CCDC73: variants seen among roughly 807,000 people sequenced by gnomAD.
CCDC73 encodes the protein coiled-coil domain containing 73.
CCDC73 carries 95 observed loss-of-function variants against 116.5 expected under a neutral mutation model. The observed-to-expected ratio is 0.82, with a 90% CI of 0.69 to 0.97. CCDC73 has a LOEUF of 0.97. Among genes scored for constraint, CCDC73 ranks in the 50% least tolerant of loss-of-function variants. The pLI, the probability that CCDC73 is intolerant of heterozygous loss-of-function variation, is 0.00. For missense variants in CCDC73, 1,066 were observed against 1,206.8 expected, an observed-to-expected ratio of 0.88 and a Z score of 1.73; for synonymous variants, 398 against 401.3, an observed-to-expected ratio of 0.99 and a Z score of 0.10.
intron 6 of CCDC73, among the ~76,000 whole-genome samples, chr11:32,685,718 CTTTTTTTTTTTT>C (rs149696866): frequency 1.1e-5 from 1 of 90,692 alleles, no homozygotes; most frequent in Middle Eastern, 6.5e-3. Context: ...CCTGACTTAG[CTTTTTTTTTTTT>C]TTTTTTTTTT....
the CCDC73 span, among the ~76,000 whole-genome samples, chr11:32,826,598 G>GA: frequency 0.12 from 15,120 of 124,506 alleles, 828 homozygotes; most frequent in Non-Finnish European, 0.14. Context: ...TATTCCCTCT[G>GA]AACTAAATAA....
chr11:32,690,095 T>C (rs1481188044), intron 6 of CCDC73, among the ~76,000 whole-genome samples: 1 of 152,078 alleles, frequency 6.6e-6, no homozygotes, highest in Non-Finnish European at 1.5e-5. Flanking sequence ...TCAAAATATA[T>C]CTTCTTAGGA....
intron 2 of CCDC73, among the ~76,000 whole-genome samples, chr11:32,725,749 A>G (rs1850025134): frequency 6.6e-6 from 1 of 152,128 alleles, no homozygotes; most frequent in African/African-American, 2.4e-5. Flanking sequence ...GATCCTGCAA[A>G]AAGACTGATG....
Position 32,653,189 on chromosome 11 carries a change from A to C in CCDC73, c.873T>G (p.Leu291=). ...IISFQHMQQL[L]RQQIQANTEM... ...CAGTATTAGCTTGAATTTGTTGCCGAAGTAACTGCTGCATATGTTGGAAAG... is the reference window on the plus strand; with the variant it reads ...CAGTATTAGCTTGAATTTGTTGCCGCAGTAACTGCTGCATATGTTGGAAAG... The change falls in exon 12 of 18, where the codon CTT becomes CTG. Residue 291 remains leucine, a synonymous_variant. Transcript: ENST00000335185. 2 of 1,612,146 alleles carry C rather than the reference A, an allele frequency of 1.2e-6. No individual in the cohort carries two copies. Among genetic ancestry groups the C allele is most frequent in the Non-Finnish European group, 1.7e-6 (2 of 1,179,022 alleles).
chr11:32,791,561 G>C (rs1850676998), intron 1 of CCDC73, among the ~76,000 whole-genome samples: 1 of 152,092 alleles, frequency 6.6e-6, no homozygotes, highest in Non-Finnish European at 1.5e-5. Flanking sequence ...GTATTCCAAA[G>C]AACATACTTT....
Position 32,760,163 on chromosome 11 carries a change from T to C in CCDC73, c.81A>G (p.Leu27=), listed in dbSNP as rs748333645. The change falls in exon 2 of 18, where the codon CTA becomes CTG. Residue 27 remains leucine (L), a synonymous_variant. Coordinates refer to ENST00000335185, the MANE Select transcript of CCDC73 (RefSeq NM_001008391.4). The part of the protein sequence containing the change: ...SSSETLFSIQ[L]LDFKTSLLEA... ...CCAGTAAACTTGTTTTGAAATCTAATAGCTGAATAGAAAACAATGTCTCTG... is the reference window on the plus strand; with the variant it reads ...CCAGTAAACTTGTTTTGAAATCTAACAGCTGAATAGAAAACAATGTCTCTG... 16 of 1,604,180 alleles carry C rather than the reference T, an allele frequency of 1.0e-5. No homozygotes were observed. Among genetic ancestry groups the C allele is most frequent in the East Asian group, 2.2e-5 (1 of 44,708 alleles).
chr11:32,735,100 C>A (rs1372904688), intron 2 of CCDC73, among the ~76,000 whole-genome samples: 5 of 152,240 alleles, frequency 3.3e-5, no homozygotes, highest in African/African-American at 7.2e-5. Flanking sequence ...TTCCCTTTGA[C>A]AACTGGCACA....
intron 2 of CCDC73, among the ~76,000 whole-genome samples, chr11:32,739,898 C>A (rs532041797): frequency 6.6e-6 from 1 of 151,476 alleles, no homozygotes; most frequent in Non-Finnish European, 1.5e-5. Flanking sequence ...TATGAAGGGA[C>A]GTTGAATTTT....
chr11:32,641,715 G>GTGTATA (rs145985523), intron 13 of CCDC73, among the ~76,000 whole-genome samples: 55 of 148,858 alleles, frequency 3.7e-4, no homozygotes, highest in Admixed American at 1.9e-3. Context: ...ATATGTGTGT[G>GTGTATA]TATATATATA....
chr11:32,703,777 CT>C (rs1849832419), intron 3 of CCDC73, among the ~76,000 whole-genome samples: 7 of 152,058 alleles, frequency 4.6e-5, no homozygotes, highest in Admixed American at 4.6e-4. Context: ...TTTTTTTCTC[CT>C]TCTCCCACCT....
chr11:32,776,129 A>G (rs1332770923), intron 1 of CCDC73, among the ~76,000 whole-genome samples: 2 of 151,992 alleles, frequency 1.3e-5, no homozygotes, highest in African/African-American at 4.8e-5. Flanking sequence ...TCTAATCTCT[A>G]AATGGACCGG....
Position 32,602,916 on chromosome 11 carries a change from C to A in CCDC73, c.3135G>T (p.Thr1045=). The A allele has an allele frequency of 6.2e-7, 1 of 1,612,454 alleles. No individual in the cohort carries two copies. The highest frequency in any genetic ancestry group is 8.5e-7 in the Non-Finnish European group (1 of 1,179,110). The change falls in exon 18 of 18, where the codon ACG becomes ACT. Residue 1045 remains threonine (T), a synonymous_variant. Transcript: ENST00000335185. Reference sequence around the variant, plus strand: ...AATTTTCACTTTTATTTAGTTGATTCGTAATGAGGCTCTGCCAGTCATCAT... The same window carrying A: ...AATTTTCACTTTTATTTAGTTGATTAGTAATGAGGCTCTGCCAGTCATCAT... ...SGDDDWQSLI[T]NQLNKSENLL... is the part of the protein sequence containing the mutation.
intron 3 of CCDC73, among the ~76,000 whole-genome samples, chr11:32,715,524 C>A (rs1477629806): frequency 1.3e-5 from 2 of 151,062 alleles, no homozygotes; most frequent in Non-Finnish European, 2.9e-5. Context: ...ACACACACCA[C>A]CAGAAACCAC....
chr11:32,646,151 C>T (rs1855777145), intron 12 of CCDC73, among the ~76,000 whole-genome samples: 1 of 152,172 alleles, frequency 6.6e-6, no homozygotes, highest in Non-Finnish European at 1.5e-5. Context: ...TGTCTGCACC[C>T]AATAACTCTA....
At chr11:32,636,235 TA>T (rs1171348001) in intron 13 of CCDC73, among the ~76,000 whole-genome samples, 3 of 152,088 alleles carry the variant, frequency 2.0e-5, no homozygotes, top group African/African-American at 7.2e-5. Context: ...AACAAAAAAT[TA>T]AATTCATAAA....
the CCDC73 span, among the ~76,000 whole-genome samples, chr11:32,802,896 G>A: frequency 6.6e-6 from 1 of 150,454 alleles, no homozygotes; most frequent in African/African-American, 2.4e-5. Flanking sequence ...GAGACCACAG[G>A]TGTGCACCAC....
chr11:32,823,025 T>C, the CCDC73 span, among the ~76,000 whole-genome samples: 4 of 152,176 alleles, frequency 2.6e-5, no homozygotes, highest in African/African-American at 9.6e-5. Flanking sequence ...CCCAGCACTT[T>C]GGGAGGCTGA....
Position 32,603,031 on chromosome 11 carries a change from T to TA in CCDC73, c.3031-12dup. On this transcript the variant is annotated splice_polypyrimidine_tract_variant and intron_variant, in intron 17 of 17. Coordinates refer to ENST00000335185, the MANE Select transcript of CCDC73 (RefSeq NM_001008391.4). ...AGGCTTTGTTTTCACCTGGGAAAGA[T>TA]AAACTAATTTTACCTTCGAAATTAT... The TA allele has an allele frequency of 6.3e-7, 1 of 1,576,416 alleles. No homozygotes were observed. The highest frequency in any genetic ancestry group is 8.6e-7 in the Non-Finnish European group (1 of 1,164,866).
intron 14 of CCDC73, among the ~76,000 whole-genome samples, 169 bp downstream of exon 14, chr11:32,635,527 T>C (rs953321415): frequency 1.3e-5 from 2 of 152,142 alleles, no homozygotes; most frequent in African/African-American, 4.8e-5. Flanking sequence ...GACCTTCAAT[T>C]CTTATGTCAT....
Sources: gnomAD v4.1 joint callset for allele counts (sites outside exome capture counted in the v4.1 genomes callset) on GRCh38, gnomAD v4.1.1 for gene constraint, MANE v1.5 for transcripts, NCBI Gene and HGNC (gene_info 2026-07-23, HGNC 2026-07-21) for gene names.